The following KLB variants were observed in gnomAD, a reference collection of about 807,000 sequenced individuals.
The protein encoded by KLB is klotho beta.
In KLB, 44 loss-of-function variants were observed where a neutral mutation model predicts 88.4. The ratio of observed to expected loss-of-function variants is 0.50; its 90% CI spans 0.39 to 0.64. KLB has a LOEUF of 0.64. Among genes scored for constraint, KLB ranks in the 30% least tolerant of loss-of-function variants. The pLI is 0.00. For missense variants in KLB, 1,137 were observed against 1,304.8 expected, an observed-to-expected ratio of 0.87 and a Z score of 1.98; for synonymous variants, 548 against 513.4, an observed-to-expected ratio of 1.07 and a Z score of -0.91.
At chr4:39,412,252 A>G (rs929426143) in intron 1 of KLB, among the ~76,000 whole-genome samples, 15 of 152,106 alleles carry the variant, frequency 9.9e-5, no homozygotes, top group African/African-American at 3.6e-4. Flanking sequence ...TATTATGAAC[A>G]TTTACATTCC....
Position 39,451,084 on chromosome 4 carries a change from AGTACT to A in KLB, c.*2400_*2404del. On this transcript the variant is annotated 3_prime_UTR_variant, in exon 5 of 5. Transcript: ENST00000257408. ...CCCTAAGTAATAAAATTCCTAACCC[AGTACT>A]GAGAGTCCTCCTTCTCTGCCACTTG... The A allele has an allele frequency of 6.6e-6, 1 of 152,142 alleles. No homozygotes were observed. Among genetic ancestry groups the A allele is most frequent in the South Asian group, 2.1e-4 (1 of 4,832 alleles). 9.4% of individuals were successfully genotyped at this position (152,142 alleles called of 1,614,324 possible).
At chr4:39,443,495 A>G (rs905052846) in intron 3 of KLB, among the ~76,000 whole-genome samples, 1 of 151,692 alleles carries the variant, frequency 6.6e-6, no homozygotes, top group Non-Finnish European at 1.5e-5. Context: ...CTGTAATCCT[A>G]GCACTTTGGG....
rs936183050 is a variant in KLB, at chr4:39,448,479, CA to C, written c.2929del (p.Ser977ValfsTer21). 1 of 1,613,854 alleles carries C rather than the reference CA, an allele frequency of 6.2e-7. No homozygotes were observed. Among genetic ancestry groups the C allele is most frequent in the African/African-American group, 1.3e-5 (1 of 74,938 alleles). On this transcript the variant is annotated frameshift_variant, in exon 5 of 5. Coordinates refer to ENST00000257408, the MANE Select transcript of KLB (RefSeq NM_175737.4). LOFTEE classifies it low-confidence loss of function (END_TRUNC). ...FPFENSSSRCSQTQENTECTV... is the reference protein window; with the variant it reads ...FPFENSSSRCXQTQENTECTV... The stretch of plus-strand genomic sequence containing the variant: ...CTTTTGAGAACAGTAGTTCTAGATG[CA>C]GTCAGACCCAAGAAAATACAGAGTG...
At chr4:39,413,305 C>T (rs1402114252) in intron 1 of KLB, among the ~76,000 whole-genome samples, 8 of 152,144 alleles carry the variant, frequency 5.3e-5, no homozygotes, top group Admixed American at 5.2e-4. Context: ...TAAATTTGTA[C>T]ATTTCCCTTT....
chr4:39,447,284 T>C lies in KLB; in HGVS notation c.2558T>C (p.Ile853Thr), dbSNP rs202129063. 5 of 1,613,924 alleles carry C rather than the reference T, an allele frequency of 3.1e-6. No individual in the cohort carries two copies. The highest frequency in any genetic ancestry group is 4.2e-6 in the Non-Finnish European group (5 of 1,179,986). ...SDRDIQFLQD[I>T]TRLSSPTRLA... is the part of the protein sequence containing the mutation. ...AGGGACATCCAGTTTCTGCAGGACA[T>C]CACCCGCCTGAGCTCCCCCACGCGC... is the stretch of plus-strand genomic sequence containing the variant. Residue 853 changes from isoleucine to threonine, a missense_variant, in exon 4 of 5, where the codon ATC (isoleucine) becomes ACC (threonine). Transcript: ENST00000257408.
chr4:39,408,725 T>G (rs1388060108), intron 1 of KLB, among the ~76,000 whole-genome samples: 1 of 148,086 alleles, frequency 6.8e-6, no homozygotes, highest in African/African-American at 2.4e-5. Flanking sequence ...AAGAATGCTT[T>G]GAAAAGAAGA....
intron 1 of KLB, among the ~76,000 whole-genome samples, chr4:39,412,687 T>G (rs1404305848): frequency 6.6e-6 from 1 of 152,178 alleles, no homozygotes. Context: ...ATGGGCTTGT[T>G]TCTAGCATAG....
chr4:39,429,617 A>G (rs557497114), intron 1 of KLB, among the ~76,000 whole-genome samples: 1 of 152,338 alleles, frequency 6.6e-6, no homozygotes, highest in East Asian at 1.9e-4. Context: ...CAATCATTAC[A>G]GAGGTAGATG....
In KLB at chr4:39,449,177, T is replaced by C. The variant is rs1385201360; in HGVS notation, c.*491T>C. On this transcript the variant is annotated 3_prime_UTR_variant, in exon 5 of 5. Coordinates refer to ENST00000257408, the MANE Select transcript of KLB (RefSeq NM_175737.4). ...ATGTCTCTACTAAAAATACAAAAAA[T>C]TAGCCAGGCGTGGTGACAGTGGCAC... is the stretch of plus-strand genomic sequence containing the variant. 2 of 152,688 alleles carry C rather than the reference T, an allele frequency of 1.3e-5. No homozygotes were observed. Among genetic ancestry groups the C allele is most frequent in the Non-Finnish European group, 2.9e-5 (2 of 68,556 alleles). The allele number at this position is 152,688 out of a possible 1,614,324, so 9.5% of individuals were successfully genotyped here. A position where few individuals can be genotyped will look rare whatever the true frequency, so the allele number is the denominator to read the frequency against.
In KLB at chr4:39,451,302, TAACTCTTG is replaced by T. The variant is rs1487936995; in HGVS notation, c.*2619_*2626del. 2.0e-5 allele frequency: 3 copies of T among 152,344 alleles called. No individual in the cohort carries two copies. Among genetic ancestry groups the T allele is most frequent in the African/African-American group, 7.2e-5 (3 of 41,586 alleles). The allele number at this position is 152,344 out of a possible 1,614,324, so 9.4% of individuals were successfully genotyped here. On this transcript the variant is annotated 3_prime_UTR_variant, in exon 5 of 5. Coordinates refer to ENST00000257408, the MANE Select transcript of KLB (RefSeq NM_175737.4). Reference sequence around the variant, plus strand: ...CCATCAAAGGTCAACCAGAAACTGATAACTCTTGAAAGGAGCAAACAGGTAAGATCTTT... The same window carrying T: ...CCATCAAAGGTCAACCAGAAACTGATAAAGGAGCAAACAGGTAAGATCTTT...
intron 1 of KLB, among the ~76,000 whole-genome samples, chr4:39,417,217 G>A (rs1742984040): frequency 6.6e-6 from 1 of 151,820 alleles, no homozygotes; most frequent in African/African-American, 2.4e-5. Flanking sequence ...TTTGACAAAG[G>A]ACGAAAGAAA....
intron 1 of KLB, among the ~76,000 whole-genome samples, chr4:39,418,085 A>G (rs915452260): frequency 1.3e-5 from 2 of 152,172 alleles, no homozygotes; most frequent in Non-Finnish European, 2.9e-5. Flanking sequence ...ATCTCTCTAC[A>G]TGTTTAATTT....
intron 3 of KLB, among the ~76,000 whole-genome samples, chr4:39,442,502 C>T (rs553018203): frequency 2.6e-5 from 4 of 151,132 alleles, no homozygotes; most frequent in Middle Eastern, 3.4e-3. Flanking sequence ...GGCGCGATCC[C>T]AGCTTACTGC....
At chr4:39,435,636 G>T (rs1223120324) in intron 2 of KLB, among the ~76,000 whole-genome samples, 1 of 151,628 alleles carries the variant, frequency 6.6e-6, no homozygotes, top group East Asian at 1.9e-4. Context: ...ATGTTGACCA[G>T]GTTGGTCTCG....
In KLB at chr4:39,447,887, AAGCG is replaced by A. The variant is rs1213304544; in HGVS notation, c.2750-408_2750-405del. On this transcript the variant is annotated intron_variant, in intron 4 of 4. Coordinates refer to ENST00000257408, the MANE Select transcript of KLB (RefSeq NM_175737.4). The stretch of plus-strand genomic sequence containing the variant: ...TGAAATAACCACATCATGGTAGCTT[AAGCG>A]AGCGACAGTGAGTGAGTGGGTAAAA... Among the ~76,000 whole-genome samples the A allele has an allele frequency of 2.6e-5, 4 of 152,192 alleles. 1 individual carries two copies. Among genetic ancestry groups the A allele is most frequent in the Middle Eastern group, 6.8e-3 (2 of 294 alleles).
At chr4:39,418,670 G>A (rs1295087107) in intron 1 of KLB, among the ~76,000 whole-genome samples, 1 of 151,504 alleles carries the variant, frequency 6.6e-6, no homozygotes, top group Non-Finnish European at 1.5e-5. Context: ...TGATCAGGCC[G>A]GGCACAGTGA....
intron 1 of KLB, among the ~76,000 whole-genome samples, chr4:39,416,270 T>G (rs901128937): frequency 5.3e-5 from 8 of 152,166 alleles, no homozygotes; most frequent in African/African-American, 1.7e-4. Context: ...GATGTGTTTA[T>G]GAGGGTTTAT....
rs1269508258 is a variant in KLB at position 39,448,815 on chromosome 4, T to G, written c.*129T>G. ...CAGCTGTAACCAAGGTGATGACAAT[T>G]GTCTCTGCTGTGTGGTTCAAAGAAC... On this transcript the variant is annotated 3_prime_UTR_variant, in exon 5 of 5. Coordinates refer to ENST00000257408, the MANE Select transcript of KLB (RefSeq NM_175737.4). 1 of 871,344 alleles carries G rather than the reference T, an allele frequency of 1.1e-6. No individual in the cohort carries two copies. The highest frequency in any genetic ancestry group is 1.7e-5 in the African/African-American group (1 of 59,150). 54.0% of individuals were successfully genotyped at this position (871,344 alleles called of 1,614,324 possible). A position where few individuals can be genotyped will look rare whatever the true frequency, so the allele number is the denominator to read the frequency against.
At position 39,407,139 on chromosome 4, in the gene KLB, A is replaced by G. The variant is rs752792072; in HGVS notation, c.190A>G (p.Asn64Asp). 4.3e-6 allele frequency: 7 copies of G among 1,614,038 alleles called. No individual in the cohort carries two copies. The African/African-American group carries it at 8.0e-5, about 18-fold the overall frequency. Reference sequence around the variant, plus strand: ...AGATGGAAGAGCTATATGGTCTAAAAATCCTAATTTTACTCCGGTAAATGA... The same window carrying G: ...AGATGGAAGAGCTATATGGTCTAAAGATCCTAATTTTACTCCGGTAAATGA... The part of the protein sequence containing the change: ...SGDGRAIWSK[N>D]PNFTPVNESQ... Residue 64 changes from asparagine (N) to aspartate (D), a missense_variant, in exon 1 of 5, where the codon AAT (asparagine) becomes GAT (aspartate). Coordinates refer to ENST00000257408, the MANE Select transcript of KLB (RefSeq NM_175737.4).
Sources: allele counts gnomAD v4.1 joint callset (sites outside exome capture counted in the v4.1 genomes callset), GRCh38; gene constraint gnomAD v4.1.1; transcripts MANE v1.5; gene names NCBI Gene and HGNC (gene_info 2026-07-23, HGNC 2026-07-21).